The following TBC1D22A variants were observed in gnomAD, a reference collection of about 807,000 sequenced individuals.
The protein encoded by TBC1D22A is putative GTPase activator.
Under a neutral mutation model 60.2 loss-of-function variants are expected in TBC1D22A, and 38 were observed. The ratio of observed to expected loss-of-function variants is 0.63; its 90% CI spans 0.49 to 0.83. TBC1D22A has a LOEUF of 0.83. TBC1D22A is among the 40% of genes least tolerant of loss of function. The pLI is 0.00. For missense variants in TBC1D22A, 628 were observed against 701.0 expected, an observed-to-expected ratio of 0.90 and a Z score of 1.18; for synonymous variants, 302 against 281.7, an observed-to-expected ratio of 1.07 and a Z score of -0.72.
intron 4 of TBC1D22A, among the ~76,000 whole-genome samples, chr22:46,842,439 C>T (rs1271386725): frequency 6.6e-6 from 1 of 152,194 alleles, no homozygotes; most frequent in Admixed American, 6.5e-5. Context: ...GTTAGGTCTC[C>T]TCCATCTCTC....
At chr22:46,957,468 C>T (rs766773774) in intron 8 of TBC1D22A, among the ~76,000 whole-genome samples, 1 of 152,196 alleles carries the variant, frequency 6.6e-6, no homozygotes, top group African/African-American at 2.4e-5. Flanking sequence ...GGGGAAATGT[C>T]GGATGCTTAT....
intron 5 of TBC1D22A, among the ~76,000 whole-genome samples, chr22:46,882,729 G>A (rs1362226479): frequency 2.0e-5 from 3 of 152,188 alleles, no homozygotes; most frequent in African/African-American, 4.8e-5. Flanking sequence ...TAACAGTTAC[G>A]CCCAGAATTG....
At chr22:47,153,924 G>A (rs2067607586) in intron 12 of TBC1D22A, among the ~76,000 whole-genome samples, 1 of 152,138 alleles carries the variant, frequency 6.6e-6, no homozygotes, top group Non-Finnish European at 1.5e-5. Context: ...GGAGGTCCGG[G>A]GACACTGGAC....
At position 46,773,630 on chromosome 22, in the gene TBC1D22A, C is replaced by T. The variant is rs530470681; in HGVS notation, c.62+10782C>T. Among the ~76,000 whole-genome samples the T allele has an allele frequency of 1.2e-4, 18 of 152,252 alleles. No homozygotes were observed. In the East Asian group the frequency reaches 2.3e-3, roughly 20 times the overall value. ...CAGGCTCATGCCGCCACACCCAGCT[C>T]ATTTTTTTGTGTGTGTGTTTTAGTA... On this transcript the variant is annotated intron_variant, in intron 1 of 12. Coordinates refer to ENST00000337137, the MANE Select transcript of TBC1D22A (RefSeq NM_014346.5).
intron 9 of TBC1D22A, among the ~76,000 whole-genome samples, chr22:46,982,439 G>A (rs1263366676): frequency 6.6e-6 from 1 of 151,992 alleles, no homozygotes; most frequent in African/African-American, 2.4e-5. Flanking sequence ...GGCCAGGATG[G>A]TGTTGATCTC....
At position 46,990,095 on chromosome 22, in the gene TBC1D22A, C is replaced by T. The variant is rs1009302351; in HGVS notation, c.1126-7539C>T. On this transcript the variant is annotated intron_variant, in intron 9 of 12. Transcript: ENST00000337137. The surrounding 1 kb of genome is among the most constrained non-coding windows in gnomAD (Gnocchi z 4.6). Reference sequence around the variant, plus strand: ...CTGGGATTACAGATGTGCGCCACCGCGCCCGGCCGCAAAATGTAAGTTTTA... The same window carrying T: ...CTGGGATTACAGATGTGCGCCACCGTGCCCGGCCGCAAAATGTAAGTTTTA... Among the ~76,000 whole-genome samples, 5 of 152,212 alleles carry T rather than the reference C, an allele frequency of 3.3e-5. No homozygotes were observed. The highest frequency in any genetic ancestry group is 9.7e-5 in the African/African-American group (4 of 41,446).
chr22:46,860,985 T>G (rs78016712), intron 4 of TBC1D22A, among the ~76,000 whole-genome samples: 1 of 45,416 alleles, frequency 2.2e-5, no homozygotes. Context: ...ATAAATTAAT[T>G]TTTTTTTAAG....
chr22:47,041,959 A>G (rs2062859285), intron 11 of TBC1D22A, among the ~76,000 whole-genome samples: 3 of 152,220 alleles, frequency 2.0e-5, no homozygotes, highest in Non-Finnish European at 4.4e-5. Context: ...CTGGCCCTGC[A>G]CCAAGCACAG....
intron 12 of TBC1D22A, among the ~76,000 whole-genome samples, chr22:47,137,025 G>A (rs1487414412): frequency 2.6e-5 from 4 of 152,116 alleles, no homozygotes; most frequent in Admixed American, 6.5e-5. Context: ...GTCTTCACTC[G>A]GCGCGGGCAA....
intron 4 of TBC1D22A, among the ~76,000 whole-genome samples, chr22:46,860,951 C>T (rs185754287): frequency 5.3e-4 from 80 of 151,836 alleles, no homozygotes; most frequent in Admixed American, 9.2e-4. Context: ...GCTCTTTTGG[C>T]GAAGGCATAT....
In TBC1D22A at chr22:47,028,044, G is replaced by A. The variant is rs182764177; in HGVS notation, c.1202-9027G>A. ...CAGATTTGTTGTTGCCTTCTCATAT[G>A]GAAATGACCCTGTTTTGGAGGGGTG... is the stretch of plus-strand genomic sequence containing the variant. On this transcript the variant is annotated intron_variant, in intron 10 of 12. Coordinates refer to ENST00000337137, the MANE Select transcript of TBC1D22A (RefSeq NM_014346.5). This position sits in a 1 kb window ranked among gnomAD's most constrained non-coding sequence, Gnocchi z 4.4. Among the ~76,000 whole-genome samples, 5 of 152,314 alleles carry A rather than the reference G, an allele frequency of 3.3e-5. No homozygotes were observed. In the East Asian group the frequency reaches 9.6e-4, roughly 29 times the overall value.
In TBC1D22A at chr22:47,062,939, T is replaced by C. The variant is rs567819260; in HGVS notation, c.1329+25741T>C. 2.0e-3 allele frequency among the ~76,000 whole-genome samples: 305 copies of C among 152,004 alleles called. 1 individual carries two copies. The highest frequency in any genetic ancestry group is 7.1e-3 in the African/African-American group (293 of 41,440). Reference sequence around the variant, plus strand: ...CCATGTGCAACGAGTTAGTTGGTACTGCATCTGGGAAAAAGCCTGAAGGTG... The same window carrying C: ...CCATGTGCAACGAGTTAGTTGGTACCGCATCTGGGAAAAAGCCTGAAGGTG... On this transcript the variant is annotated intron_variant, in intron 11 of 12. Transcript: ENST00000337137.
intron 12 of TBC1D22A, among the ~76,000 whole-genome samples, chr22:47,166,481 A>G (rs2068214019): frequency 6.6e-6 from 1 of 152,270 alleles, no homozygotes; most frequent in Non-Finnish European, 1.5e-5. Context: ...TAAATATTCA[A>G]AGTCTAGAGT....
chr22:47,124,791 G>C (rs900877853), intron 12 of TBC1D22A, among the ~76,000 whole-genome samples: 1 of 152,110 alleles, frequency 6.6e-6, no homozygotes, highest in East Asian at 1.9e-4. Flanking sequence ...TGATGAGTTT[G>C]GGCTCCACCG....
chr22:46,935,556 C>G (rs1190117530), intron 8 of TBC1D22A, among the ~76,000 whole-genome samples: 1 of 152,168 alleles, frequency 6.6e-6, no homozygotes, highest in Non-Finnish European at 1.5e-5. Flanking sequence ...ATTCAAAGCT[C>G]GAAGTTTGGG....
At position 47,028,478 on chromosome 22, in the gene TBC1D22A, A is replaced by T. The variant is rs540194434; in HGVS notation, c.1202-8593A>T. 1.6e-4 allele frequency among the ~76,000 whole-genome samples: 20 copies of T among 128,406 alleles called. 1 individual carries two copies. In the South Asian group the frequency reaches 5.3e-3, roughly 34 times the overall value. 84.2% of individuals were successfully genotyped at this position (128,406 alleles called of 152,430 possible). A position where few individuals can be genotyped will look rare whatever the true frequency, so the allele number is the denominator to read the frequency against. ...CCTGTCCCCCACGGCCCAGGTTCTG[A>T]GAGCGAGTGGTCGCATTCCTGTCCC... is the stretch of plus-strand genomic sequence containing the variant. On this transcript the variant is annotated intron_variant, in intron 10 of 12. Transcript: ENST00000337137. This position sits in a 1 kb window ranked among gnomAD's most constrained non-coding sequence, Gnocchi z 4.4.
chr22:46,847,918 G>GGTGTGT (rs58012028), intron 4 of TBC1D22A, among the ~76,000 whole-genome samples: 1,482 of 134,196 alleles, frequency 0.011, 28 homozygotes, highest in African/African-American at 0.043. Flanking sequence ...TACCCTAGTG[G>GGTGTGT]GTGTGTGTGT....
At chr22:46,766,111 C>G (rs950702747) in intron 1 of TBC1D22A, among the ~76,000 whole-genome samples, 1 of 151,866 alleles carries the variant, frequency 6.6e-6, no homozygotes, top group Non-Finnish European at 1.5e-5. Flanking sequence ...CATTTTCCTG[C>G]CTCAGCCTCC....
intron 8 of TBC1D22A, among the ~76,000 whole-genome samples, chr22:46,973,316 C>T (rs1005652025): frequency 7.2e-5 from 11 of 152,322 alleles, no homozygotes; most frequent in Admixed American, 4.6e-4. Flanking sequence ...CTCTTTACCC[C>T]GCTGTTGTCC....
Sources: allele counts gnomAD v4.1 joint callset (sites outside exome capture counted in the v4.1 genomes callset), GRCh38; gene constraint gnomAD v4.1.1; non-coding constraint Gnocchi (gnomAD v3.1); transcripts MANE v1.5; gene names NCBI Gene and HGNC (gene_info 2026-07-23, HGNC 2026-07-21).